ERBB4: variants seen among roughly 807,000 people sequenced by gnomAD.
ERBB4 encodes the protein erb-b2 receptor tyrosine kinase 4.
In ERBB4, 42 loss-of-function variants were observed where a neutral mutation model predicts 158.0. The observed-to-expected ratio is 0.27, with a 90% CI of 0.21 to 0.34. ERBB4 has a LOEUF of 0.34. ERBB4 is among the 10% of genes least tolerant of loss of function. ERBB4 has a pLI of 1.00. For missense variants in ERBB4, 1,333 were observed against 1,624.1 expected (o/e 0.82, Z 3.08); for synonymous variants, 583 against 558.7 (o/e 1.04, Z -0.61).
rs12467044 is a variant in ERBB4 at position 212,295,774 on chromosome 2, G to A, written c.83-170871C>T. Among the ~76,000 whole-genome samples, 616 of 152,160 alleles carry A rather than the reference G, an allele frequency of 4.0e-3. 18 individuals carry two copies. Among genetic ancestry groups the A allele is most frequent in the Admixed American group, 0.037 (569 of 15,234 alleles). ...CACAGTAAATGGCAGCTGCATTACT[G>A]TGACGTAGGCAAATGATACATTTGG... On this transcript the variant is annotated intron_variant, in intron 1 of 27. Coordinates refer to ENST00000342788, the MANE Select transcript of ERBB4 (RefSeq NM_005235.3).
chr2:212,263,174 C>A (rs958241547), intron 1 of ERBB4, among the ~76,000 whole-genome samples: 20 of 152,110 alleles, frequency 1.3e-4, no homozygotes, highest in African/African-American at 4.6e-4. Context: ...CCAGCCACCA[C>A]CAGAAGCGAG....
At chr2:212,215,129 G>A (rs971018497) in intron 1 of ERBB4, among the ~76,000 whole-genome samples, 4 of 151,514 alleles carry the variant, frequency 2.6e-5, no homozygotes, top group Admixed American at 2.0e-4. Context: ...TGTATATCCT[G>A]TCACCTGATT....
chr2:212,480,962 T>C (rs58520119), intron 1 of ERBB4, among the ~76,000 whole-genome samples: 1 of 152,184 alleles, frequency 6.6e-6, no homozygotes, highest in South Asian at 2.1e-4. Flanking sequence ...TTAAAGCCTT[T>C]AAAATTTTGT....
At chr2:211,533,210 A>C (rs2066549708) in intron 20 of ERBB4, among the ~76,000 whole-genome samples, 1 of 151,916 alleles carries the variant, frequency 6.6e-6, no homozygotes. Flanking sequence ...CCTTAGGTGT[A>C]TACCATAATT....
intron 20 of ERBB4, among the ~76,000 whole-genome samples, chr2:211,559,516 G>A (rs1206265353): frequency 1.3e-5 from 2 of 152,136 alleles, no homozygotes; most frequent in Non-Finnish European, 2.9e-5. Flanking sequence ...CCACTTGGAT[G>A]ATAAGTCTCT....
intron 1 of ERBB4, among the ~76,000 whole-genome samples, chr2:212,218,948 A>C (rs2105947081): frequency 6.6e-6 from 1 of 151,460 alleles, no homozygotes; most frequent in Non-Finnish European, 1.5e-5. Flanking sequence ...CCTTGAATGT[A>C]TATGCCATTT....
chr2:211,838,497 G>A (rs780157241), intron 3 of ERBB4, among the ~76,000 whole-genome samples: 13 of 152,056 alleles, frequency 8.5e-5, no homozygotes, highest in Non-Finnish European at 1.5e-4. Context: ...GAAAGCAGCT[G>A]TTATAAAACT....
chr2:211,977,195 G>C lies in ERBB4; in HGVS notation c.235-29579C>G, dbSNP rs11891843. ...TGACACAGGAGGCAACTTTTCTGAG[G>C]TGGATAGAGAAATTGAGCCTTCATA... is the stretch of plus-strand genomic sequence containing the variant. On this transcript the variant is annotated intron_variant, in intron 2 of 27. Coordinates refer to ENST00000342788, the MANE Select transcript of ERBB4 (RefSeq NM_005235.3). Among the ~76,000 whole-genome samples, 1,480 of 152,224 alleles carry C rather than the reference G, an allele frequency of 9.7e-3. 27 individuals are homozygous for C. Among genetic ancestry groups the C allele is most frequent in the African/African-American group, 0.034 (1,414 of 41,516 alleles).
intron 12 of ERBB4, among the ~76,000 whole-genome samples, chr2:211,684,879 C>A (rs2072500114): frequency 6.6e-6 from 1 of 152,166 alleles, no homozygotes; most frequent in African/African-American, 2.4e-5. Flanking sequence ...TTAAAAACCC[C>A]AGCCCAGAAT....
At chr2:211,710,454 A>T (rs2073654722) in intron 9 of ERBB4, among the ~76,000 whole-genome samples, 1 of 152,138 alleles carries the variant, frequency 6.6e-6, no homozygotes. Flanking sequence ...GCACCTAAAT[A>T]TTGTCCCAGG....
intron 1 of ERBB4, among the ~76,000 whole-genome samples, chr2:212,143,750 G>A (rs1407385599): frequency 2.6e-5 from 4 of 152,106 alleles, no homozygotes; most frequent in Non-Finnish European, 5.9e-5. Flanking sequence ...GGACATGGTG[G>A]CTCATGCCTG....
chr2:211,995,976 C>A (rs1002025615), intron 2 of ERBB4, among the ~76,000 whole-genome samples: 4 of 152,112 alleles, frequency 2.6e-5, no homozygotes, highest in African/African-American at 9.7e-5. Flanking sequence ...GTCAATCGGC[C>A]TAGAATGATG....
At chr2:211,883,696 G>A (rs897591791) in intron 3 of ERBB4, among the ~76,000 whole-genome samples, 5 of 152,096 alleles carry the variant, frequency 3.3e-5, no homozygotes, top group Admixed American at 1.3e-4. Flanking sequence ...AGAGGCTGAG[G>A]CAAGAGAATC....
rs1429244740 is a variant in ERBB4 at position 211,672,879 on chromosome 2, C to CTAA, written c.1716+282_1716+284dup. Among the ~76,000 whole-genome samples, 3 of 152,206 alleles carry CTAA rather than the reference C, an allele frequency of 2.0e-5. No homozygotes were observed. In the East Asian group the frequency reaches 5.8e-4, roughly 29 times the overall value. ...ATTATGTTAGTGATTATGCTTCAAT[C>CTAA]TAATTATTCTTTTCTATACTGTGCA... is the stretch of plus-strand genomic sequence containing the variant. On this transcript the variant is annotated intron_variant, in intron 14 of 27. Transcript: ENST00000342788.
At chr2:212,315,936 A>G (rs1574663183) in intron 1 of ERBB4, among the ~76,000 whole-genome samples, 1 of 151,676 alleles carries the variant, frequency 6.6e-6, no homozygotes, top group East Asian at 2.0e-4. Flanking sequence ...AGTCAGCTGC[A>G]TTATTAAATT....
rs1031195385 is a variant in ERBB4, at chr2:211,794,416, G to A, written c.422-6257C>T. On this transcript the variant is annotated intron_variant, in intron 3 of 27. Transcript: ENST00000342788. Reference sequence around the variant, plus strand: ...CCTTGTCTCCCCTATCTTATTGGAGGTCCCTCAAGGATTAGAACTATGATG... The same window carrying A: ...CCTTGTCTCCCCTATCTTATTGGAGATCCCTCAAGGATTAGAACTATGATG... Among the ~76,000 whole-genome samples, 12 of 151,822 alleles carry A rather than the reference G, an allele frequency of 7.9e-5. 1 individual carries two copies. The highest frequency in any genetic ancestry group is 2.9e-4 in the African/African-American group (12 of 41,366).
chr2:211,790,062 C>A (rs746400806), intron 3 of ERBB4, among the ~76,000 whole-genome samples: 1 of 151,934 alleles, frequency 6.6e-6, no homozygotes, highest in African/African-American at 2.4e-5. Flanking sequence ...ATGACCTAAC[C>A]ATACAACCTT....
rs144981104 is a variant in ERBB4 at position 211,397,536 on chromosome 2, T to C, written c.3136-9544A>G. Among the ~76,000 whole-genome samples the C allele has an allele frequency of 1.1e-3, 170 of 152,292 alleles. 3 individuals are homozygous for C. Among genetic ancestry groups the C allele is most frequent in the East Asian group, 9.3e-3 (48 of 5,162 alleles). ...ATGACTTTCTTCAGGATGATACAGC[T>C]AGTTACTAACAGGCCTAATTAGAAA... On this transcript the variant is annotated intron_variant, in intron 25 of 27. Transcript: ENST00000342788.
Position 211,725,503 on chromosome 2 carries a change from T to TG in ERBB4, c.623-310dup, listed in dbSNP as rs11387242. On this transcript the variant is annotated intron_variant, in intron 5 of 27. Transcript: ENST00000342788. The stretch of plus-strand genomic sequence containing the variant: ...GAGTGTGCCCGTAATCCCAACTACT[T>TG]GGAGACTGAGACAGGAGGATTGCTT... 1 allele frequency among the ~76,000 whole-genome samples: 152,311 copies of TG among 152,312 alleles called. 76,155 individuals carry two copies. Among genetic ancestry groups the TG allele is most frequent in the Middle Eastern group, 1 (294 of 294 alleles).
Sources: allele counts gnomAD v4.1 joint callset (sites outside exome capture counted in the v4.1 genomes callset), GRCh38; gene constraint gnomAD v4.1.1; transcripts MANE v1.5; gene names NCBI Gene and HGNC (gene_info 2026-07-23, HGNC 2026-07-21).